Variants in NDST3 observed in about 807,000 individuals in gnomAD.
NDST3 encodes bifunctional heparan sulfate N-deacetylase/N-sulfotransferase 3.
Under a neutral mutation model 96.1 loss-of-function variants are expected in NDST3, and 58 were observed. The observed-to-expected ratio is 0.60, with a 90% CI of 0.49 to 0.75. The LOEUF (loss-of-function observed/expected upper bound fraction) is 0.75, where lower values mean the gene tolerates loss of function less well. Among genes scored for constraint, NDST3 ranks in the 30% least tolerant of loss-of-function variants. The pLI is 0.00. For synonymous variants in NDST3, 333 were observed against 359.7 expected, an observed-to-expected ratio of 0.93 and a Z score of 0.84; for missense variants, 788 against 1,034.2, an observed-to-expected ratio of 0.76 and a Z score of 3.27.
intron 6 of NDST3, among the ~76,000 whole-genome samples, chr4:118,223,005 T>C (rs1009481621): frequency 2.0e-5 from 3 of 151,932 alleles, no homozygotes; most frequent in African/African-American, 7.2e-5. Flanking sequence ...AAATCTTTCA[T>C]AAAAATAAAG....
In NDST3 at chr4:118,075,147, C is replaced by T. The variant is rs145857830; in HGVS notation, c.981+20256C>T. On this transcript the variant is annotated intron_variant, in intron 2 of 13. Transcript: ENST00000296499. ...ATTCCTACCTATGAGTGAGAACATG[C>T]GGTGTTTGGTTTTCTGTCCTTGCGA... is the stretch of plus-strand genomic sequence containing the variant. 8.2e-3 allele frequency among the ~76,000 whole-genome samples: 1,244 copies of T among 151,838 alleles called. 8 individuals carry two copies. Among genetic ancestry groups the T allele is most frequent in the Non-Finnish European group, 0.014 (949 of 67,970 alleles).
intron 13 of NDST3, among the ~76,000 whole-genome samples, chr4:118,254,971 T>C (rs1250416887): frequency 2.0e-5 from 3 of 152,174 alleles, no homozygotes; most frequent in Non-Finnish European, 4.4e-5. Flanking sequence ...TCAGAGCACT[T>C]TGAAAACAAC....
intron 12 of NDST3, among the ~76,000 whole-genome samples, chr4:118,248,074 G>C (rs1741434660): frequency 6.6e-6 from 1 of 152,200 alleles, no homozygotes; most frequent in Non-Finnish European, 1.5e-5. Flanking sequence ...ATGTCAGCCA[G>C]GCACTGTGGC....
chr4:118,091,970 T>C (rs1728906235), intron 2 of NDST3, among the ~76,000 whole-genome samples: 1 of 151,662 alleles, frequency 6.6e-6, no homozygotes, highest in Admixed American at 6.6e-5. Flanking sequence ...AAAATTTTAT[T>C]GTAATGATTA....
At chr4:118,141,731 G>A (rs766280480) in intron 5 of NDST3, among the ~76,000 whole-genome samples, 1 of 152,058 alleles carries the variant, frequency 6.6e-6, no homozygotes, top group Non-Finnish European at 1.5e-5. Flanking sequence ...TTTAACACGT[G>A]AGCATTTTAT....
upstream of NDST3, chr4:118,033,748 CGCGCAGATCCCGG>C (rs1351904278): frequency 6.6e-6 from 1 of 152,342 alleles, no homozygotes; most frequent in East Asian, 1.9e-4. Flanking sequence ...CAGCTGTGTC[CGCGCAGATCCCGG>C]GCGCGGAGGG....
At chr4:118,069,175 G>A (rs905282000) in intron 2 of NDST3, among the ~76,000 whole-genome samples, 3 of 152,038 alleles carry the variant, frequency 2.0e-5, no homozygotes, top group Non-Finnish European at 4.4e-5. Context: ...AGCAGAGAAG[G>A]TTATGATCAG....
intron 2 of NDST3, among the ~76,000 whole-genome samples, chr4:118,074,604 TCCATCC>T (rs1438621596): frequency 1.3e-5 from 2 of 152,180 alleles, no homozygotes; most frequent in Non-Finnish European, 2.9e-5. Context: ...CAGATCTTTC[TCCATCC>T]CTTACTTTGA....
intron 6 of NDST3, among the ~76,000 whole-genome samples, chr4:118,202,937 T>C (rs1268511598): frequency 6.6e-6 from 1 of 152,202 alleles, no homozygotes; most frequent in Non-Finnish European, 1.5e-5. Context: ...TAGTATGATG[T>C]TGGCTGTGGG....
intron 12 of NDST3, among the ~76,000 whole-genome samples, chr4:118,249,511 C>G (rs1560746305): frequency 6.6e-6 from 1 of 152,108 alleles, no homozygotes; most frequent in Non-Finnish European, 1.5e-5. Context: ...CTTACCGATT[C>G]AAACAAGACC....
chr4:118,052,952 T>G (rs61409689), intron 1 of NDST3, among the ~76,000 whole-genome samples: 1 of 151,932 alleles, frequency 6.6e-6, no homozygotes, highest in African/African-American at 2.4e-5. Flanking sequence ...TTTAAAAACA[T>G]TTTTGGAGTA....
intron 6 of NDST3, among the ~76,000 whole-genome samples, chr4:118,144,288 C>T (rs563794351): frequency 2.0e-3 from 300 of 152,112 alleles, no homozygotes; most frequent in African/African-American, 6.9e-3. Flanking sequence ...TCACGCCATT[C>T]TCCTGCCTCA....
chr4:118,066,222 T>C (rs1283232184), intron 2 of NDST3, among the ~76,000 whole-genome samples: 1 of 68,652 alleles, frequency 1.5e-5, no homozygotes. Context: ...ATACATAATA[T>C]ATTATATATA....
intron 1 of NDST3, among the ~76,000 whole-genome samples, chr4:118,050,625 T>C (rs987112326): frequency 5.3e-5 from 8 of 151,874 alleles, no homozygotes; most frequent in Non-Finnish European, 1.0e-4. Flanking sequence ...CCATGTACAA[T>C]AGCCACAAAT....
chr4:118,129,245 C>T (rs183138479), intron 4 of NDST3, among the ~76,000 whole-genome samples: 1 of 151,818 alleles, frequency 6.6e-6, no homozygotes, highest in African/African-American at 2.4e-5. Context: ...TCAGTTTGCA[C>T]TTGCTTTTCT....
In NDST3 at chr4:118,056,738, C is replaced by G. The variant is rs1725462154; in HGVS notation, c.981+1847C>G. On this transcript the variant is annotated intron_variant, in intron 2 of 13. Coordinates refer to ENST00000296499, the MANE Select transcript of NDST3 (RefSeq NM_004784.3). ...TAGAGTCATAGGAAAGCACATTGTG[C>G]TGAGCATCTATCCGTTCAGTTCTTG... 2.0e-5 allele frequency among the ~76,000 whole-genome samples: 3 copies of G among 152,038 alleles called. No homozygotes were observed. The South Asian group carries it at 6.2e-4, about 32-fold the overall frequency.
intron 12 of NDST3, among the ~76,000 whole-genome samples, chr4:118,251,150 G>A (rs1339726788): frequency 4.5e-5 from 5 of 111,362 alleles, no homozygotes; most frequent in African/African-American, 6.3e-5. Context: ...TTTTTGAGAC[G>A]GAGTCTTGCT....
intron 6 of NDST3, among the ~76,000 whole-genome samples, chr4:118,222,799 CT>C (rs1739638634): frequency 6.6e-6 from 1 of 151,878 alleles, no homozygotes; most frequent in Non-Finnish European, 1.5e-5. Context: ...CATTTTTTTA[CT>C]TTCCATAGTC....
At chr4:118,103,694 T>C (rs1276027403) in intron 2 of NDST3, among the ~76,000 whole-genome samples, 1 of 152,140 alleles carries the variant, frequency 6.6e-6, no homozygotes, top group Non-Finnish European at 1.5e-5. Flanking sequence ...CCTGATGACA[T>C]TGCTGTCAGT....
Sources: gnomAD v4.1 joint callset for allele counts (sites outside exome capture counted in the v4.1 genomes callset) on GRCh38, gnomAD v4.1.1 for gene constraint, MANE v1.5 for transcripts, NCBI Gene and HGNC (gene_info 2026-07-23, HGNC 2026-07-21) for gene names.